Variants in LRP1B observed in about 807,000 individuals in gnomAD.
LRP1B encodes the protein low-density lipoprotein receptor-related protein 1B.
LRP1B carries 217 observed loss-of-function variants against 556.6 expected under a neutral mutation model. The observed-to-expected ratio is 0.39, with a 90% CI of 0.35 to 0.44. The LOEUF (loss-of-function observed/expected upper bound fraction) is 0.44, where lower values mean the gene tolerates loss of function less well. LRP1B is among the 20% of genes least tolerant of loss of function. The pLI is 1.00. For synonymous variants in LRP1B, 2,047 were observed against 1,865.8 expected, an observed-to-expected ratio of 1.10 and a Z score of -2.50; for missense variants, 5,053 against 5,620.8, an observed-to-expected ratio of 0.90 and a Z score of 3.23.
chr2:141,508,844 T>C (rs981093087), intron 2 of LRP1B, among the ~76,000 whole-genome samples: 3 of 152,112 alleles, frequency 2.0e-5, no homozygotes, highest in African/African-American at 7.2e-5. Flanking sequence ...CCCCCTTAAA[T>C]TGTATTTCTC....
chr2:141,983,880 A>T (rs542290165), intron 1 of LRP1B, among the ~76,000 whole-genome samples: 197 of 152,068 alleles, frequency 1.3e-3, no homozygotes, highest in Non-Finnish European at 9.0e-4. Context: ...GGCCAACATG[A>T]TGAAACCCTG....
chr2:140,898,253 G>T (rs1694006846), intron 23 of LRP1B, among the ~76,000 whole-genome samples: 1 of 152,042 alleles, frequency 6.6e-6, no homozygotes, highest in South Asian at 2.1e-4. Context: ...GCTTTTCCTG[G>T]GTCTTTGGGT....
intron 79 of LRP1B, among the ~76,000 whole-genome samples, chr2:140,330,863 A>T (rs1680773668): frequency 6.6e-6 from 1 of 152,134 alleles, no homozygotes; most frequent in African/African-American, 2.4e-5. Flanking sequence ...AACTTAAACA[A>T]ATTTACACGA....
At chr2:141,503,815 A>G (rs1419500580) in intron 2 of LRP1B, among the ~76,000 whole-genome samples, 5 of 152,164 alleles carry the variant, frequency 3.3e-5, no homozygotes, top group Non-Finnish European at 7.4e-5. Context: ...CTCTTGTTTA[A>G]ATATAATTAA....
rs557204738 is a variant in LRP1B, at chr2:140,349,526, A to G, written c.11892+1271T>C. The stretch of plus-strand genomic sequence containing the variant: ...TTATTTATTAGTTGTATGTAATTAT[A>G]TACAATTAATTTTAGTATATAGTTA... On this transcript the variant is annotated intron_variant, in intron 77 of 90. Transcript: ENST00000389484. Among the ~76,000 whole-genome samples, 10 of 151,964 alleles carry G rather than the reference A, an allele frequency of 6.6e-5. No individual in the cohort carries two copies. In the South Asian group the frequency reaches 2.1e-3, roughly 31 times the overall value.
intron 51 of LRP1B, among the ~76,000 whole-genome samples, chr2:140,514,239 A>T (rs1206046018): frequency 6.6e-6 from 1 of 151,950 alleles, no homozygotes; most frequent in Non-Finnish European, 1.5e-5. Context: ...CAACACACAC[A>T]TATGCACATA....
At chr2:140,343,527 T>C (rs1681500493) in intron 77 of LRP1B, among the ~76,000 whole-genome samples, 1 of 151,620 alleles carries the variant, frequency 6.6e-6, no homozygotes, top group South Asian at 2.1e-4. Context: ...ATGAAGGATG[T>C]TATATACATA....
At chr2:141,356,437 A>C (rs1195923953) in intron 3 of LRP1B, among the ~76,000 whole-genome samples, 1 of 152,120 alleles carries the variant, frequency 6.6e-6, no homozygotes, top group Non-Finnish European at 1.5e-5. Flanking sequence ...AAAAGTGTTC[A>C]AAATATGGAC....
chr2:141,599,010 T>C (rs1471781523), intron 2 of LRP1B, among the ~76,000 whole-genome samples: 5 of 104,860 alleles, frequency 4.8e-5, no homozygotes, highest in Non-Finnish European at 8.9e-5. Flanking sequence ...TATAAAAAAA[T>C]TGAAAAAAAT....
At position 141,940,464 on chromosome 2, in the gene LRP1B, T is replaced by C. The variant is rs1432425518; in HGVS notation, c.83-130063A>G. On this transcript the variant is annotated intron_variant, in intron 1 of 90. Coordinates refer to ENST00000389484, the MANE Select transcript of LRP1B (RefSeq NM_018557.3). Reference sequence around the variant, plus strand: ...ATAACTATTCATGTAATTCACAATGTACTCTTCACAAATTAGAGAAGGGTT... The same window carrying C: ...ATAACTATTCATGTAATTCACAATGCACTCTTCACAAATTAGAGAAGGGTT... Among the ~76,000 whole-genome samples, 3 of 152,220 alleles carry C rather than the reference T, an allele frequency of 2.0e-5. No individual in the cohort carries two copies. In the East Asian group the frequency reaches 5.8e-4, roughly 29 times the overall value.
intron 41 of LRP1B, among the ~76,000 whole-genome samples, chr2:140,668,296 C>G (rs1272187243): frequency 1.0e-5 from 1 of 97,186 alleles, no homozygotes; most frequent in South Asian, 3.8e-4. Flanking sequence ...GGTGACAGAG[C>G]GAGACTCCGT....
chr2:140,945,377 T>C (rs1418132501), intron 20 of LRP1B, among the ~76,000 whole-genome samples: 1 of 152,008 alleles, frequency 6.6e-6, no homozygotes, highest in East Asian at 1.9e-4. Flanking sequence ...AAAATTCATA[T>C]AGAAAATAAT....
intron 2 of LRP1B, among the ~76,000 whole-genome samples, chr2:141,606,492 A>C (rs983829074): frequency 4.6e-5 from 7 of 152,196 alleles, no homozygotes; most frequent in African/African-American, 1.4e-4. Context: ...GTATTCCCCC[A>C]AAATTCCTGT....
At chr2:141,795,002 A>G (rs1268122660) in intron 2 of LRP1B, among the ~76,000 whole-genome samples, 1 of 152,084 alleles carries the variant, frequency 6.6e-6, no homozygotes, top group African/African-American at 2.4e-5. Flanking sequence ...TGGAGTTGTA[A>G]AAGTATTGAA....
chr2:141,127,096 G>A (rs1233610213), intron 7 of LRP1B, among the ~76,000 whole-genome samples: 1 of 151,612 alleles, frequency 6.6e-6, no homozygotes, highest in Admixed American at 6.6e-5. Flanking sequence ...ACTTATGAGT[G>A]AGAACACGCG....
chr2:140,356,134 A>G (rs1682200951), intron 75 of LRP1B, among the ~76,000 whole-genome samples: 1 of 151,294 alleles, frequency 6.6e-6, no homozygotes, highest in African/African-American at 2.4e-5. Context: ...TGCTATAGAA[A>G]AAGCTTTGTA....
At chr2:141,251,546 G>A (rs2105334732) in intron 4 of LRP1B, among the ~76,000 whole-genome samples, 1 of 152,210 alleles carries the variant, frequency 6.6e-6, no homozygotes, top group African/African-American at 2.4e-5. Context: ...ATTGACTACG[G>A]TGATAGCCAG....
At chr2:141,535,772 A>G (rs17551988) in intron 2 of LRP1B, among the ~76,000 whole-genome samples, 51,731 of 152,006 alleles carry the variant, frequency 0.34, 9,805 homozygotes, top group Non-Finnish European at 0.44. Context: ...CCCATGGCCT[A>G]TGAAGGTTAA....
At chr2:141,744,628 A>G (rs958890892) in intron 2 of LRP1B, among the ~76,000 whole-genome samples, 1 of 151,984 alleles carries the variant, frequency 6.6e-6, no homozygotes, top group African/African-American at 2.4e-5. Flanking sequence ...CTCTAATAAT[A>G]TTTGCTATTT....
Sources: gnomAD v4.1 joint callset for allele counts (sites outside exome capture counted in the v4.1 genomes callset) on GRCh38, gnomAD v4.1.1 for gene constraint, MANE v1.5 for transcripts, NCBI Gene and HGNC (gene_info 2026-07-23, HGNC 2026-07-21) for gene names.